The following LASP1NB variants were observed in gnomAD, a reference collection of about 807,000 sequenced individuals.
The protein encoded by LASP1NB is LASP1 neighbor, also known as LASP1 neighbor protein.
At chr17:38,928,372 G>A in the LASP1NB span, 3 of 152,242 alleles carry the variant, frequency 2.0e-5, no homozygotes, top group African/African-American at 4.8e-5. Context: ...GGCCAAGGTC[G>A]CATTATCTCT....
At chr17:38,928,769 C>A in the LASP1NB span, 1 of 152,178 alleles carries the variant, frequency 6.6e-6, no homozygotes, top group Admixed American at 6.5e-5. Flanking sequence ...TCTTCTAACT[C>A]TGGTATATCT....
the LASP1NB span, chr17:38,926,368 C>A: frequency 2.6e-5 from 4 of 152,200 alleles, no homozygotes; most frequent in African/African-American, 9.6e-5. Flanking sequence ...ACTCCTGGTA[C>A]TTTGCAGTTG....
At chr17:38,928,984 T>A in the LASP1NB span, 27 of 152,190 alleles carry the variant, frequency 1.8e-4, no homozygotes, top group African/African-American at 6.3e-4. Flanking sequence ...CACATAAAGT[T>A]GAAACAACTA....
At chr17:38,926,328 A>G in the LASP1NB span, 1 of 152,186 alleles carries the variant, frequency 6.6e-6, no homozygotes, top group Non-Finnish European at 1.5e-5. Context: ...GAGATGTCCA[A>G]CTGTGGGATA....
chr17:38,928,808 C>T, the LASP1NB span: 1 of 152,222 alleles, frequency 6.6e-6, no homozygotes. Context: ...TTTCCGTCTT[C>T]AAGCCAAGAC....
At chr17:38,925,852 C>T in the LASP1NB span, 1 of 397,790 alleles carries the variant, frequency 2.5e-6, no homozygotes, top group African/African-American at 2.1e-5. Context: ...GCCCTGCTTG[C>T]TGACGCACCG....
At chr17:38,925,632 C>A in the LASP1NB span, 1 of 398,432 alleles carries the variant, frequency 2.5e-6, no homozygotes, top group Non-Finnish European at 4.4e-6. Context: ...CGACTGCAAC[C>A]TCCGTGCTCA....
the LASP1NB span, chr17:38,925,623 G>A: frequency 4.8e-5 from 19 of 398,070 alleles, no homozygotes; most frequent in Admixed American, 6.6e-4. Flanking sequence ...TCTCTCCACC[G>A]ACTGCAACCT....
chr17:38,925,691 A>T, the LASP1NB span: 1 of 398,638 alleles, frequency 2.5e-6, no homozygotes, highest in African/African-American at 2.1e-5. Flanking sequence ...CTAGGAATCC[A>T]CAATGCTGGA....
chr17:38,926,501 G>A, the LASP1NB span: 1 of 152,188 alleles, frequency 6.6e-6, no homozygotes, highest in Non-Finnish European at 1.5e-5. Context: ...GAGCCTTCCA[G>A]ACATGGCTGA....
At chr17:38,928,349 A>G in the LASP1NB span, 1 of 152,240 alleles carries the variant, frequency 6.6e-6, no homozygotes, top group Non-Finnish European at 1.5e-5. Context: ...TATTCTGTCA[A>G]ATGAAAGTGT....
the LASP1NB span, chr17:38,929,016 C>T: frequency 6.6e-6 from 1 of 152,122 alleles, no homozygotes; most frequent in African/African-American, 2.4e-5. Flanking sequence ...GAAAAAAAAT[C>T]AGCAGATTTC....
the LASP1NB span, chr17:38,927,152 T>A: frequency 6.6e-6 from 1 of 151,922 alleles, no homozygotes; most frequent in Non-Finnish European, 1.5e-5. Context: ...TAATCAAAGA[T>A]CTTTTCTGGA....
At chr17:38,928,139 A>G in the LASP1NB span, 2 of 152,200 alleles carry the variant, frequency 1.3e-5, no homozygotes, top group Admixed American at 6.5e-5. Context: ...CTGACCTTTC[A>G]TAAGTCATTT....
chr17:38,926,042 C>T, the LASP1NB span, among the ~76,000 whole-genome samples: 6 of 151,796 alleles, frequency 4.0e-5, no homozygotes, highest in East Asian at 5.8e-4. Flanking sequence ...AAATAAAATC[C>T]ACAATGTAAA....
At chr17:38,925,922 AAAAG>A in the LASP1NB span, 7 of 395,210 alleles carry the variant, frequency 1.8e-5, no homozygotes, top group African/African-American at 4.1e-5. Context: ...AGAAAAGAAA[AAAAG>A]AAAGAGTTTG....
the LASP1NB span, chr17:38,927,672 T>C: frequency 2.0e-5 from 3 of 152,200 alleles, no homozygotes; most frequent in East Asian, 5.8e-4. Flanking sequence ...GTAATAACAT[T>C]GTGTCCAATT....
the LASP1NB span, chr17:38,926,002 C>T: frequency 1.1e-5 from 4 of 354,064 alleles, no homozygotes; most frequent in Middle Eastern, 7.1e-4. Context: ...TTCTTTGGGA[C>T]CTAATTTAAA....
At chr17:38,926,504 A>G in the LASP1NB span, 1 of 152,138 alleles carries the variant, frequency 6.6e-6, no homozygotes, top group Non-Finnish European at 1.5e-5. Flanking sequence ...CCTTCCAGAC[A>G]TGGCTGACCC....
Sources: allele counts gnomAD v4.1 joint callset (sites outside exome capture counted in the v4.1 genomes callset), GRCh38; gene constraint gnomAD v4.1.1; transcripts MANE v1.5; gene names NCBI Gene and HGNC (gene_info 2026-07-23, HGNC 2026-07-21).